The following KCNK9 variants were observed in gnomAD, a reference collection of about 807,000 sequenced individuals.
KCNK9 encodes the protein potassium two pore domain channel subfamily K member 9.
A neutral mutation model predicts 10.8 loss-of-function variants in KCNK9; 1 was observed. That is an observed-to-expected ratio of 0.09 (90% CI 0.03 to 0.44). The LOEUF is 0.44. Ranked by LOEUF, KCNK9 falls within the 20% of genes least tolerant of loss-of-function variation. KCNK9 has a pLI of 0.97. For missense variants in KCNK9, 303 were observed against 515.0 expected, an observed-to-expected ratio of 0.59 and a Z score of 3.98; for synonymous variants, 231 against 222.7, an observed-to-expected ratio of 1.04 and a Z score of -0.33.
At chr8:139,699,481 G>A (rs774158915) in intron 1 of KCNK9, among the ~76,000 whole-genome samples, 2 of 152,192 alleles carry the variant, frequency 1.3e-5, no homozygotes, top group Non-Finnish European at 2.9e-5. Context: ...GGGTACCTAC[G>A]AGGGTCTCCC....
intron 2 of KCNK9, among the ~76,000 whole-genome samples, chr8:139,605,879 TA>T (rs1298066583): frequency 6.6e-6 from 1 of 152,338 alleles, no homozygotes; most frequent in East Asian, 1.9e-4. Flanking sequence ...GCTGTGACAA[TA>T]ATAAATACCT....
intron 1 of KCNK9, among the ~76,000 whole-genome samples, chr8:139,692,945 CCAGCTCACCCTGCCCACCTGAG>C (rs71318313): frequency 0.44 from 67,469 of 151,696 alleles, 16,444 homozygotes; most frequent in Admixed American, 0.55. Context: ...TCAATACCAC[CCAGCTCACCCTGCCCACCTGAG>C]CAGCTCACCC....
downstream of KCNK9, among the ~76,000 whole-genome samples, chr8:139,614,273 A>C (rs915691899): frequency 1.3e-5 from 2 of 152,212 alleles, no homozygotes; most frequent in Non-Finnish European, 2.9e-5. Flanking sequence ...CAGATAAGGA[A>C]CAGGTGAGCT....
chr8:139,635,063 C>G (rs1008910473), intron 1 of KCNK9, among the ~76,000 whole-genome samples: 1 of 152,180 alleles, frequency 6.6e-6, no homozygotes, highest in African/African-American at 2.4e-5. Context: ...GAGCAGCCAG[C>G]CGGGAGCAGG....
chr8:139,649,409 G>A (rs1021337966), intron 1 of KCNK9, among the ~76,000 whole-genome samples: 1 of 152,128 alleles, frequency 6.6e-6, no homozygotes, highest in African/African-American at 2.4e-5. Context: ...GAATGAGGAA[G>A]GACTTAGCAA....
intron 1 of KCNK9, among the ~76,000 whole-genome samples, chr8:139,647,833 TA>T (rs1277560058): frequency 6.6e-6 from 1 of 152,188 alleles, no homozygotes; most frequent in Non-Finnish European, 1.5e-5. Flanking sequence ...CTCAGGTGGC[TA>T]CCCCAGGACT....
chr8:139,607,226 C>T (rs575112894), intron 2 of KCNK9, among the ~76,000 whole-genome samples: 2 of 152,288 alleles, frequency 1.3e-5, no homozygotes, highest in African/African-American at 2.4e-5. Context: ...TTCTGGTTCC[C>T]ATTCCTGCTC....
intron 1 of KCNK9, among the ~76,000 whole-genome samples, chr8:139,655,131 A>G (rs2129686447): frequency 6.6e-6 from 1 of 152,184 alleles, no homozygotes; most frequent in East Asian, 1.9e-4. Context: ...CCCCTCCCTC[A>G]GATACTGCTT....
At chr8:139,601,856 C>T (rs1480175215) in intron 2 of KCNK9, among the ~76,000 whole-genome samples, 2 of 152,142 alleles carry the variant, frequency 1.3e-5, no homozygotes, top group Admixed American at 6.5e-5. Context: ...ATTGTGAACC[C>T]GCATGTGTCA....
At position 139,642,854 on chromosome 8, in the gene KCNK9, G is replaced by C. The variant is rs570639762; in HGVS notation, c.284-23755C>G. Among the ~76,000 whole-genome samples the C allele has an allele frequency of 7.2e-5, 11 of 152,324 alleles. No homozygotes were observed. The South Asian group carries it at 2.3e-3, about 32-fold the overall frequency. Reference sequence around the variant, plus strand: ...CCCCCATGGGGAACCTGAGCAGCAGGGGGTGTTTTTGTTGCATCTGCTCAG... The same window carrying C: ...CCCCCATGGGGAACCTGAGCAGCAGCGGGTGTTTTTGTTGCATCTGCTCAG... On this transcript the variant is annotated intron_variant, in intron 1 of 1. Coordinates refer to ENST00000520439, the MANE Select transcript of KCNK9 (RefSeq NM_001282534.2).
chr8:139,606,622 A>G (rs1332133598), intron 2 of KCNK9, among the ~76,000 whole-genome samples: 1 of 152,234 alleles, frequency 6.6e-6, no homozygotes, highest in Non-Finnish European at 1.5e-5. Context: ...AAGGATACAC[A>G]GTTGGCTGAA....
Position 139,689,485 on chromosome 8 carries a change from C to T in KCNK9, c.283+13225G>A, listed in dbSNP as rs113142969. On this transcript the variant is annotated intron_variant, in intron 1 of 1. Coordinates refer to ENST00000520439, the MANE Select transcript of KCNK9 (RefSeq NM_001282534.2). ...TGAGATGCTGTACCATTGCTTTGGG[C>T]TCATTGTGGGCAGGATGTATTTCCC... Among the ~76,000 whole-genome samples, 1,474 of 152,216 alleles carry T rather than the reference C, an allele frequency of 9.7e-3. 25 individuals are homozygous for T. The highest frequency in any genetic ancestry group is 0.034 in the African/African-American group (1,395 of 41,520).
chr8:139,691,407 G>A (rs753378975), intron 1 of KCNK9, among the ~76,000 whole-genome samples: 4 of 152,146 alleles, frequency 2.6e-5, no homozygotes, highest in East Asian at 1.9e-4. Flanking sequence ...CAACATTGCC[G>A]AGGGCTGCTG....
At chr8:139,625,661 T>C (rs527256371) in intron 1 of KCNK9, among the ~76,000 whole-genome samples, 85 of 151,256 alleles carry the variant, frequency 5.6e-4, no homozygotes, top group African/African-American at 2.0e-3. Flanking sequence ...CTTTGATCTG[T>C]CCTGGGAGAG....
chr8:139,667,063 C>A (rs1004235769), intron 1 of KCNK9, among the ~76,000 whole-genome samples: 1 of 152,264 alleles, frequency 6.6e-6, no homozygotes, highest in African/African-American at 2.4e-5. Context: ...GGGCTTGGTG[C>A]AGACCAGACA....
At chr8:139,644,197 C>G (rs1482227451) in intron 1 of KCNK9, among the ~76,000 whole-genome samples, 1 of 152,202 alleles carries the variant, frequency 6.6e-6, no homozygotes. Flanking sequence ...GTGTCCGCAG[C>G]TTGTAGGAGG....
At chr8:139,632,821 G>T (rs902944753) in intron 1 of KCNK9, among the ~76,000 whole-genome samples, 3 of 152,164 alleles carry the variant, frequency 2.0e-5, no homozygotes, top group Non-Finnish European at 4.4e-5. Flanking sequence ...AAAGTAACCC[G>T]TGATGCATGA....
intron 1 of KCNK9, among the ~76,000 whole-genome samples, chr8:139,639,767 G>A (rs1025276489): frequency 6.6e-6 from 1 of 152,190 alleles, no homozygotes; most frequent in Non-Finnish European, 1.5e-5. Flanking sequence ...CAGGGACCAG[G>A]CTGAGGCCCC....
chr8:139,676,198 G>A (rs1195180936), intron 1 of KCNK9, among the ~76,000 whole-genome samples: 7 of 152,220 alleles, frequency 4.6e-5, no homozygotes, highest in Non-Finnish European at 7.3e-5. Context: ...AGAAGTGAGG[G>A]CAGTTTGTTA....
Sources: gnomAD v4.1 joint callset for allele counts (sites outside exome capture counted in the v4.1 genomes callset) on GRCh38, gnomAD v4.1.1 for gene constraint, MANE v1.5 for transcripts, NCBI Gene and HGNC (gene_info 2026-07-23, HGNC 2026-07-21) for gene names.